The following RBM28 variants were observed in gnomAD, a reference collection of about 807,000 sequenced individuals.
The protein encoded by RBM28 is RNA binding motif protein 28.
Under a neutral mutation model 98.3 loss-of-function variants are expected in RBM28, and 78 were observed. The ratio of observed to expected loss-of-function variants is 0.79; its 90% confidence interval spans 0.66 to 0.96. The LOEUF is 0.96. Among genes scored for constraint, RBM28 ranks in the 40% least tolerant of loss-of-function variants. The pLI is 0.00. For missense variants in RBM28, 838 were observed against 913.0 expected, an observed-to-expected ratio of 0.92 and a Z score of 1.06; for synonymous variants, 306 against 330.9, an observed-to-expected ratio of 0.92 and a Z score of 0.82.
chr7:128,339,142 A>G, intron 3 of RBM28, 85 bp downstream of exon 3: 2 of 1,214,678 alleles, frequency 1.6e-6, no homozygotes, highest in Non-Finnish European at 2.4e-6. Flanking sequence ...CAATTATACC[A>G]TCTTGGTGAG....
At chr7:128,328,368 A>T (rs1242880458) in intron 10 of RBM28, among the ~76,000 whole-genome samples, 1 of 152,160 alleles carries the variant, frequency 6.6e-6, no homozygotes, top group Non-Finnish European at 1.5e-5. Context: ...TTCAGTCTTA[A>T]CATTTCCCTA....
At chr7:128,333,127 T>G (rs965943541) in intron 9 of RBM28, among the ~76,000 whole-genome samples, 163 bp downstream of exon 9, 14 of 152,186 alleles carry the variant, frequency 9.2e-5, no homozygotes, top group African/African-American at 2.9e-4. Flanking sequence ...GTGTTATAGT[T>G]CTGATTGTCC....
At chr7:128,317,576 C>G in intron 16 of RBM28, 83 bp downstream of exon 16, 1 of 1,090,624 alleles carries the variant, frequency 9.2e-7, no homozygotes. Flanking sequence ...GAGGGGAGAA[C>G]TACTCTAAGA....
chr7:128,342,166 T>TAAAAC (rs1796738985), intron 1 of RBM28, among the ~76,000 whole-genome samples: 1 of 152,126 alleles, frequency 6.6e-6, no homozygotes, highest in African/African-American at 2.4e-5. Flanking sequence ...ACCCTGTTTC[T>TAAAAC]AAAACACAAC....
In RBM28 at chr7:128,339,486, T is replaced by A. The variant is rs546738225; in HGVS notation, c.277+147A>T. 1.3e-5 allele frequency: 16 copies of A among 1,196,478 alleles called. No homozygotes were observed. The South Asian group carries it at 1.9e-4, about 14-fold the overall frequency. 74.1% of individuals were successfully genotyped at this position (1,196,478 alleles called of 1,614,324 possible). On this transcript the variant is annotated intron_variant, in intron 2 of 18. Transcript: ENST00000223073. Reference sequence around the variant, plus strand: ...TTTTTCCAAAGAACTAAAATGAGTATCACAATACACTGGATGATTTTGGAG... The same window carrying A: ...TTTTTCCAAAGAACTAAAATGAGTAACACAATACACTGGATGATTTTGGAG...
chr7:128,330,000 A>G (rs2051487930), intron 10 of RBM28, among the ~76,000 whole-genome samples: 1 of 152,018 alleles, frequency 6.6e-6, no homozygotes, highest in Admixed American at 6.6e-5. Flanking sequence ...TAACAACAGT[A>G]TACTAGAACG....
rs1795817287 is a variant in RBM28 at position 128,304,025 on chromosome 7, G to A, written c.*6772C>T. ...AGCAAGTGGGGACATCTCAAAGAGT[G>A]GGCTGGCCACTCCCAGAACCTGTGT... On this transcript the variant is annotated 3_prime_UTR_variant, in exon 19 of 19. Coordinates refer to ENST00000223073, the MANE Select transcript of RBM28 (RefSeq NM_018077.3). The A allele has an allele frequency of 6.6e-6, 1 of 152,186 alleles. No individual in the cohort carries two copies. Among genetic ancestry groups the A allele is most frequent in the Non-Finnish European group, 1.5e-5 (1 of 68,042 alleles). 9.4% of individuals were successfully genotyped at this position (152,186 alleles called of 1,614,324 possible). A position where few individuals can be genotyped will look rare whatever the true frequency, so the allele number is the denominator to read the frequency against.
intron 14 of RBM28, 25 bp downstream of exon 14, chr7:128,321,241 C>T (rs780890639): frequency 3.1e-6 from 5 of 1,613,710 alleles, no homozygotes; most frequent in Non-Finnish European, 4.2e-6. Flanking sequence ...ATGAAAGCTC[C>T]AAAATGGTCA....
chr7:128,335,235 T>A (rs7800186), intron 8 of RBM28, among the ~76,000 whole-genome samples: 17,132 of 152,204 alleles, frequency 0.11, 1,565 homozygotes, highest in African/African-American at 0.25. Context: ...CTGGTTATTC[T>A]ATCAAGTTGG....
intron 1 of RBM28, among the ~76,000 whole-genome samples, chr7:128,341,445 C>T (rs1796722577): frequency 6.6e-6 from 1 of 152,228 alleles, no homozygotes; most frequent in South Asian, 2.1e-4. Flanking sequence ...TGCTCACATA[C>T]ATTTAGAGTC....
At position 128,335,909 on chromosome 7, in the gene RBM28, A is replaced by G; in HGVS notation, c.747T>C (p.Asp249=). The G allele has an allele frequency of 6.2e-7, 1 of 1,612,692 alleles. No individual in the cohort carries two copies. The highest frequency in any genetic ancestry group is 2.2e-5 in the East Asian group (1 of 44,866). Residue 249 remains aspartate (D), a synonymous_variant, in exon 7 of 19, where the codon GAT becomes GAC. Coordinates refer to ENST00000223073, the MANE Select transcript of RBM28 (RefSeq NM_018077.3). The stretch of plus-strand genomic sequence containing the variant: ...CTATATTCTCTTCCTCTTCATCTTC[A>G]TCATCAAAAACCCCATCTTCTTCAT... ...DDDEEDGVFD[D]EDEEEENIES...
intron 14 of RBM28, among the ~76,000 whole-genome samples, chr7:128,320,888 C>T (rs1017249038): frequency 1.3e-5 from 2 of 152,158 alleles, no homozygotes; most frequent in African/African-American, 2.4e-5. Context: ...GTTGATGGCC[C>T]GGCACAGTGG....
intron 16 of RBM28, among the ~76,000 whole-genome samples, 197 bp downstream of exon 16, chr7:128,317,462 C>T (rs1050098170): frequency 1.3e-5 from 2 of 152,280 alleles, no homozygotes; most frequent in Admixed American, 6.5e-5. Context: ...CTTCCTTTCC[C>T]TTCTGCTGTA....
rs1202976945 is a variant in RBM28 at position 128,297,999 on chromosome 7, AGG to A, written c.*12796_*12797del. Reference sequence around the variant, plus strand: ...CTGGGGACTATTGAGGGGTGGGGGGAGGGGGGAGGGATAGCATTGGGAGATAT... The same window carrying A: ...CTGGGGACTATTGAGGGGTGGGGGGAGGGGAGGGATAGCATTGGGAGATAT... On this transcript the variant is annotated 3_prime_UTR_variant, in exon 19 of 19. Transcript: ENST00000223073. 1 of 79,336 alleles carries A rather than the reference AGG, an allele frequency of 1.3e-5. No individual in the cohort carries two copies. Among genetic ancestry groups the A allele is most frequent in the Non-Finnish European group, 2.4e-5 (1 of 42,182 alleles). 4.9% of individuals were successfully genotyped at this position (79,336 alleles called of 1,614,324 possible).
chr7:128,338,002 A>G (rs1796638911), intron 5 of RBM28, among the ~76,000 whole-genome samples: 1 of 152,220 alleles, frequency 6.6e-6, no homozygotes, highest in South Asian at 2.1e-4. Context: ...CAATTATCTC[A>G]GGGACATTTT....
rs117445229 is a variant in RBM28, at chr7:128,325,871, T to C, written c.1150A>G (p.Met384Val). The C allele has an allele frequency of 6.2e-6, 10 of 1,613,620 alleles. No individual in the cohort carries two copies. In the South Asian group the frequency reaches 8.8e-5, roughly 14 times the overall value. ...HSKGCAFAQF[M>V]TQEAAQKCLL... is the part of the protein sequence containing the mutation. The stretch of plus-strand genomic sequence containing the variant: ...CATTTCTGAGCTGCTTCTTGAGTCA[T>C]GAACTGGGCAAATGCACAACCTGCA... Residue 384 changes from methionine (M) to valine (V), a missense_variant, in exon 11 of 19, where the codon ATG becomes GTG. Physicochemically the swap from Met to Val is conservative, Grantham distance 21. Transcript: ENST00000223073.
At position 128,306,683 on chromosome 7, in the gene RBM28, C is replaced by A. The variant is rs551932459; in HGVS notation, c.*4114G>T. 4 of 152,364 alleles carry A rather than the reference C, an allele frequency of 2.6e-5. No homozygotes were observed. Among genetic ancestry groups the A allele is most frequent in the African/African-American group, 9.6e-5 (4 of 41,572 alleles). The allele number at this position is 152,364 out of a possible 1,614,324, so 9.4% of individuals were successfully genotyped here. On this transcript the variant is annotated 3_prime_UTR_variant, in exon 19 of 19. Coordinates refer to ENST00000223073, the MANE Select transcript of RBM28 (RefSeq NM_018077.3). The stretch of plus-strand genomic sequence containing the variant: ...CAAGTTTAAGAAACACTGGATTTGC[C>A]ATCTATCAAGATGCTCCATTTAGGG...
intron 17 of RBM28, 54 bp from the exon 18 acceptor site, chr7:128,313,328 C>T: frequency 3.3e-6 from 5 of 1,530,468 alleles, no homozygotes; most frequent in Non-Finnish European, 4.5e-6. Flanking sequence ...TTTGACACCC[C>T]TAGGTTCTCT....
intron 1 of RBM28, chr7:128,341,168 G>C (rs1796716015): frequency 1.6e-6 from 2 of 1,289,714 alleles, no homozygotes; most frequent in Non-Finnish European, 2.0e-6. Context: ...CACTGCATTT[G>C]AATCTCCTTC....
Sources: gnomAD v4.1 joint callset for allele counts (sites outside exome capture counted in the v4.1 genomes callset) on GRCh38, gnomAD v4.1.1 for gene constraint, MANE v1.5 for transcripts, NCBI Gene and HGNC (gene_info 2026-07-23, HGNC 2026-07-21) for gene names.